The following GRM8 variants were observed in gnomAD, a reference collection of about 807,000 sequenced individuals.
GRM8 encodes the protein metabotropic glutamate receptor 8.
A neutral mutation model predicts 87.2 loss-of-function variants in GRM8; 47 were observed. The observed-to-expected ratio is 0.54, with a 90% CI of 0.43 to 0.69. The LOEUF is 0.69. Ranked by LOEUF, GRM8 falls within the 30% of genes least tolerant of loss-of-function variation. The pLI is 0.00. For missense variants in GRM8, 1,019 were observed against 1,139.2 expected, an observed-to-expected ratio of 0.89 and a Z score of 1.52; for synonymous variants, 396 against 404.5, an observed-to-expected ratio of 0.98 and a Z score of 0.25.
At chr7:126,930,263 C>T (rs1044162451) in intron 3 of GRM8, among the ~76,000 whole-genome samples, 20 of 152,294 alleles carry the variant, frequency 1.3e-4, no homozygotes, top group Admixed American at 3.3e-4. Flanking sequence ...CTGTTTTCTC[C>T]TTATTTTAAT....
intron 3 of GRM8, among the ~76,000 whole-genome samples, chr7:126,923,811 A>G (rs1482783340): frequency 6.6e-6 from 1 of 152,184 alleles, no homozygotes; most frequent in Non-Finnish European, 1.5e-5. Context: ...CCCTCCAGAT[A>G]GAGCTTGAAA....
chr7:126,640,672 T>C (rs1463543830), intron 7 of GRM8, among the ~76,000 whole-genome samples: 1 of 152,006 alleles, frequency 6.6e-6, no homozygotes, highest in Non-Finnish European at 1.5e-5. Context: ...CTTGACAACG[T>C]ATGTCTACTC....
chr7:126,564,792 CA>C lies in GRM8; in HGVS notation c.1495-30906del, dbSNP rs556556907. 4.3e-3 allele frequency among the ~76,000 whole-genome samples: 652 copies of C among 152,122 alleles called. 2 individuals carry two copies. Among genetic ancestry groups the C allele is most frequent in the Non-Finnish European group, 7.0e-3 (477 of 67,964 alleles). On this transcript the variant is annotated intron_variant, in intron 8 of 10. Transcript: ENST00000339582. Reference sequence around the variant, plus strand: ...AACAAAGGAAAAGAAAGCTAAAAGCCAATATTCCTGATGAGTATAGAAGCAA... The same window carrying C: ...AACAAAGGAAAAGAAAGCTAAAAGCCATATTCCTGATGAGTATAGAAGCAA...
chr7:127,220,895 T>C (rs1408179214), intron 2 of GRM8, among the ~76,000 whole-genome samples: 1 of 152,208 alleles, frequency 6.6e-6, no homozygotes, highest in Non-Finnish European at 1.5e-5. Flanking sequence ...GTCCTTCACA[T>C]GGTCTTCCTT....
intron 7 of GRM8, among the ~76,000 whole-genome samples, chr7:126,670,254 C>T (rs1462649218): frequency 6.6e-6 from 1 of 152,108 alleles, no homozygotes; most frequent in Non-Finnish European, 1.5e-5. Context: ...TTTTTGAATA[C>T]TTCAGAGGGC....
chr7:127,119,262 G>T (rs1400700479), intron 2 of GRM8, among the ~76,000 whole-genome samples: 4 of 152,168 alleles, frequency 2.6e-5, no homozygotes, highest in East Asian at 1.9e-4. Context: ...GCCGAGTTGG[G>T]ATTGCTTGAG....
intron 3 of GRM8, among the ~76,000 whole-genome samples, chr7:126,973,553 T>C (rs1055681943): frequency 1.3e-5 from 2 of 152,228 alleles, no homozygotes; most frequent in Non-Finnish European, 2.9e-5. Flanking sequence ...TTTATTATTG[T>C]TGTTAATTTT....
intron 3 of GRM8, among the ~76,000 whole-genome samples, chr7:127,050,379 G>C (rs764860504): frequency 6.6e-6 from 1 of 152,150 alleles, no homozygotes; most frequent in African/African-American, 2.4e-5. Context: ...CTTCACACCA[G>C]GTACGAATCC....
intron 4 of GRM8, 140 bp from the exon 5 acceptor site, chr7:126,904,266 G>T: frequency 5.5e-6 from 4 of 724,626 alleles, no homozygotes; most frequent in South Asian, 3.8e-5. Flanking sequence ...CTAACTGCCC[G>T]AGTCTTATCA....
chr7:126,865,098 G>C (rs1171832134), intron 6 of GRM8, among the ~76,000 whole-genome samples: 1 of 152,180 alleles, frequency 6.6e-6, no homozygotes, highest in Non-Finnish European at 1.5e-5. Flanking sequence ...ATTTGTTCAA[G>C]GAGCTTGGCT....
intron 2 of GRM8, among the ~76,000 whole-genome samples, chr7:127,116,051 G>A (rs117293853): frequency 1.3e-5 from 2 of 152,288 alleles, no homozygotes; most frequent in Non-Finnish European, 2.9e-5. Context: ...AGGAATTCTA[G>A]GTGACAATGA....
At chr7:127,104,743 G>A (rs1825657545) in intron 3 of GRM8, among the ~76,000 whole-genome samples, 1 of 152,188 alleles carries the variant, frequency 6.6e-6, no homozygotes, top group Non-Finnish European at 1.5e-5. Context: ...GACTATGATA[G>A]AAACAGGAGT....
chr7:126,751,002 TC>T (rs1816350977), intron 7 of GRM8, among the ~76,000 whole-genome samples: 1 of 151,942 alleles, frequency 6.6e-6, no homozygotes, highest in South Asian at 2.1e-4. Context: ...TGCTTCAGTT[TC>T]CTCATCTGCA....
chr7:127,044,115 C>A (rs1818703313), intron 3 of GRM8, among the ~76,000 whole-genome samples: 1 of 152,220 alleles, frequency 6.6e-6, no homozygotes, highest in Non-Finnish European at 1.5e-5. Context: ...GAAGTGGGGG[C>A]ACCTGTGGAG....
chr7:126,541,220 G>C (rs1011816739), intron 8 of GRM8, among the ~76,000 whole-genome samples: 2 of 152,114 alleles, frequency 1.3e-5, no homozygotes, highest in Admixed American at 6.5e-5. Flanking sequence ...CGAAGCCCAG[G>C]GTTCATGGAT....
At chr7:127,052,911 T>C (rs1490213905) in intron 3 of GRM8, among the ~76,000 whole-genome samples, 1 of 152,198 alleles carries the variant, frequency 6.6e-6, no homozygotes, top group East Asian at 1.9e-4. Flanking sequence ...AACATCATAA[T>C]ATTGATGAAC....
chr7:127,139,068 C>T (rs1484784445), intron 2 of GRM8, among the ~76,000 whole-genome samples: 1 of 152,088 alleles, frequency 6.6e-6, no homozygotes, highest in African/African-American at 2.4e-5. Flanking sequence ...AGGTGGAACT[C>T]CAACTTAAGT....
At chr7:127,063,092 A>C (rs1215889769) in intron 3 of GRM8, among the ~76,000 whole-genome samples, 1 of 151,976 alleles carries the variant, frequency 6.6e-6, no homozygotes, top group Non-Finnish European at 1.5e-5. Flanking sequence ...TTCTACAAAA[A>C]CATACAAAAA....
intron 3 of GRM8, among the ~76,000 whole-genome samples, chr7:126,958,707 C>G (rs1457571098): frequency 6.6e-6 from 1 of 152,176 alleles, no homozygotes; most frequent in Non-Finnish European, 1.5e-5. Context: ...GAAGGCACCA[C>G]CCACCACTGA....
Sources: gnomAD v4.1 joint callset for allele counts (sites outside exome capture counted in the v4.1 genomes callset) on GRCh38, gnomAD v4.1.1 for gene constraint, MANE v1.5 for transcripts, NCBI Gene and HGNC (gene_info 2026-07-23, HGNC 2026-07-21) for gene names.